The following ZNF157 variants were observed in gnomAD, a reference collection of about 807,000 sequenced individuals.
The protein encoded by ZNF157 is zinc finger protein 22.
In ZNF157, 8 loss-of-function variants were observed where a neutral mutation model predicts 9.4. That is an observed-to-expected ratio of 0.85 (90% CI 0.50 to 1.53). ZNF157 has a LOEUF of 1.53. Among genes scored for constraint, ZNF157 ranks in the 40% most tolerant of loss-of-function variants. The pLI is 0.00. For synonymous variants in ZNF157, 120 were observed against 130.8 expected (o/e 0.92, Z 0.56); for missense variants, 316 against 385.2 (o/e 0.82, Z 1.50).
Position 47,412,858 on chromosome X carries a change from C to T in ZNF157, c.785C>T (p.Thr262Met), listed in dbSNP as rs376130511. Residue 262 changes from threonine to methionine, a missense_variant, in exon 4 of 4, where the codon ACG (threonine) becomes ATG (methionine). Physicochemically the swap from Thr to Met is moderately conservative, Grantham distance 81. Coordinates refer to ENST00000377073, the MANE Select transcript of ZNF157 (RefSeq NM_003446.4). ...ACCTTTTCTGAGAAGGCAACCCTCA[C>T]GATTCATCAGAGAACTCACACAGGG... ...GKTFSEKATLTIHQRTHTGEK... is the reference protein window; with the variant it reads ...GKTFSEKATLMIHQRTHTGEK... 2.5e-5 allele frequency: 30 copies of T among 1,209,533 alleles called. No homozygotes were observed. The highest frequency in any genetic ancestry group is 3.5e-5 in the South Asian group (2 of 56,804).
intron 1 of ZNF157, among the ~76,000 whole-genome samples, chrX:47,393,730 A>T (rs199600799): frequency 1.9e-4 from 6 of 31,741 alleles, no homozygotes; most frequent in Admixed American, 4.1e-4. Context: ...CATCCCCGCC[A>T]CCCTCCCCCG....
intron 1 of ZNF157, among the ~76,000 whole-genome samples, chrX:47,386,666 G>A (rs771019273): frequency 9.1e-6 from 1 of 110,110 alleles, no homozygotes; most frequent in East Asian, 2.9e-4. Flanking sequence ...CACCATGTTG[G>A]CCGGGCTGGT....
At chrX:47,376,626 CAG>C (rs2055845787) in intron 1 of ZNF157, among the ~76,000 whole-genome samples, 1 of 111,058 alleles carries the variant, frequency 9.0e-6, no homozygotes, top group Non-Finnish European at 1.9e-5. Flanking sequence ...CAAAAAAAAA[CAG>C]AGAAACTTCC....
At chrX:47,407,125 T>C (rs1346977568) in intron 1 of ZNF157, among the ~76,000 whole-genome samples, 2 of 112,507 alleles carry the variant, frequency 1.8e-5, no homozygotes, top group Non-Finnish European at 3.7e-5. Flanking sequence ...CTGTTTTAGT[T>C]TCTTAATATG....
At chrX:47,411,041 T>G (rs949336743) in intron 3 of ZNF157, among the ~76,000 whole-genome samples, 6 of 108,293 alleles carry the variant, frequency 5.5e-5, no homozygotes, top group African/African-American at 1.7e-4. Context: ...CAGGCTGGAG[T>G]GCAGTGGTGC....
At chrX:47,377,128 C>T (rs1342236105) in intron 1 of ZNF157, among the ~76,000 whole-genome samples, 3 of 110,090 alleles carry the variant, frequency 2.7e-5, no homozygotes, top group Non-Finnish European at 5.7e-5. Flanking sequence ...GGCCCCCACC[C>T]AGGAACTGAC....
chrX:47,396,180 T>A (rs1253264811), intron 1 of ZNF157, among the ~76,000 whole-genome samples: 1 of 110,554 alleles, frequency 9.0e-6, no homozygotes, highest in African/African-American at 3.3e-5. Flanking sequence ...TCCCAGCTAC[T>A]TGGGCGACTG....
At chrX:47,412,310 A>G (rs1386045257) in intron 3 of ZNF157, 59 bp from the exon 4 acceptor site, 19 of 1,002,730 alleles carry the variant, frequency 1.9e-5, no homozygotes, top group Non-Finnish European at 2.4e-5. Context: ...TACTGTGACA[A>G]GAGAAGCCAG....
At chrX:47,398,676 T>TTG (rs763977165) in intron 1 of ZNF157, among the ~76,000 whole-genome samples, 165 of 107,331 alleles carry the variant, frequency 1.5e-3, no homozygotes, top group Non-Finnish European at 2.2e-3. Flanking sequence ...CCCAGCTAAT[T>TTG]TGTGTGTGTG....
intron 1 of ZNF157, among the ~76,000 whole-genome samples, chrX:47,401,803 A>T (rs764672834): frequency 9.0e-6 from 1 of 110,905 alleles, no homozygotes; most frequent in Admixed American, 9.7e-5. Flanking sequence ...GCAGTGGCAC[A>T]ATCACAGTTC....
chrX:47,401,014 G>C (rs1569259815), intron 1 of ZNF157, among the ~76,000 whole-genome samples: 1 of 111,624 alleles, frequency 9.0e-6, no homozygotes, highest in Non-Finnish European at 1.9e-5. Flanking sequence ...AGTTCCTCTG[G>C]TGGTTTCAAA....
chrX:47,379,836 C>A (rs1261763084), intron 1 of ZNF157, among the ~76,000 whole-genome samples: 1 of 103,459 alleles, frequency 9.7e-6, no homozygotes, highest in Non-Finnish European at 1.9e-5. Flanking sequence ...GATCAGTTGG[C>A]TGTTTTTGTG....
chrX:47,402,784 C>T (rs1367941483), intron 1 of ZNF157, among the ~76,000 whole-genome samples: 4 of 108,488 alleles, frequency 3.7e-5, no homozygotes, highest in African/African-American at 1.0e-4. Context: ...CCTTGTGATC[C>T]GCCTGTCTCG....
At chrX:47,371,168 T>A (rs752069188) in intron 1 of ZNF157, among the ~76,000 whole-genome samples, 20 of 110,403 alleles carry the variant, frequency 1.8e-4, no homozygotes, top group Non-Finnish European at 3.4e-4. Flanking sequence ...TGAAACCCTG[T>A]TTGTACTAAA....
chrX:47,379,435 C>T (rs1454303257), intron 1 of ZNF157, among the ~76,000 whole-genome samples: 1 of 98,643 alleles, frequency 1.0e-5, no homozygotes, highest in East Asian at 3.2e-4. Flanking sequence ...TTTTTTGAGA[C>T]AGGGTCTGCA....
At chrX:47,410,530 G>GA (rs878930503) in intron 2 of ZNF157, 128 bp downstream of exon 2, 1 of 988,616 alleles carries the variant, frequency 1.0e-6, no homozygotes, top group South Asian at 2.3e-5. Context: ...TAGGGCACCA[G>GA]AAAAAATGTG....
intron 1 of ZNF157, among the ~76,000 whole-genome samples, chrX:47,407,208 C>T (rs1212565987): frequency 8.9e-6 from 1 of 112,303 alleles, no homozygotes; most frequent in African/African-American, 3.2e-5. Context: ...ACTGATCATG[C>T]TATGTGTTTA....
At chrX:47,396,872 A>G (rs1280586549) in intron 1 of ZNF157, among the ~76,000 whole-genome samples, 5 of 112,111 alleles carry the variant, frequency 4.5e-5, no homozygotes, top group Non-Finnish European at 9.4e-5. Flanking sequence ...CACATCTTAC[A>G]TGGTGGCAGG....
chrX:47,371,872 G>T (rs974104140), intron 1 of ZNF157, among the ~76,000 whole-genome samples: 7 of 111,863 alleles, frequency 6.3e-5, no homozygotes, highest in African/African-American at 2.3e-4. Flanking sequence ...CTCCCAAAGT[G>T]CTGGGATTAC....
Sources: allele counts gnomAD v4.1 joint callset (sites outside exome capture counted in the v4.1 genomes callset), GRCh38; gene constraint gnomAD v4.1.1; transcripts MANE v1.5; gene names NCBI Gene and HGNC (gene_info 2026-07-23, HGNC 2026-07-21).